Variants in CSGALNACT2 observed in about 807,000 individuals in gnomAD.
CSGALNACT2 encodes the protein chondroitin sulfate N-acetylgalactosaminyltransferase 2.
A neutral mutation model predicts 55.3 loss-of-function variants in CSGALNACT2; 35 were observed. That is an observed-to-expected ratio of 0.63 (90% CI 0.48 to 0.84). The LOEUF is 0.84. Among genes scored for constraint, CSGALNACT2 ranks in the 40% least tolerant of loss-of-function variants. CSGALNACT2 has a pLI of 0.00. For synonymous variants in CSGALNACT2, 196 were observed against 224.9 expected (o/e 0.87, Z 1.15); for missense variants, 544 against 657.5 (o/e 0.83, Z 1.89).
intron 7 of CSGALNACT2, among the ~76,000 whole-genome samples, chr10:43,177,591 A>G (rs2133154074): frequency 6.6e-6 from 1 of 152,332 alleles, no homozygotes; most frequent in East Asian, 1.9e-4. Context: ...GTGACATGTT[A>G]GGTACTTCAT....
At chr10:43,162,942 T>C in intron 4 of CSGALNACT2, 1 of 985,418 alleles carries the variant, frequency 1.0e-6, no homozygotes, top group Non-Finnish European at 1.2e-6. Context: ...TTCTTTAACC[T>C]TGCATGGGAG....
rs567207512 is a variant in CSGALNACT2 at position 43,163,125 on chromosome 10, A to G, written c.981-741A>G. The stretch of plus-strand genomic sequence containing the variant: ...TTGCCTTTGAGAATAATTATTTTGA[A>G]TGACCTTTACACTCACCACTGAATT... On this transcript the variant is annotated intron_variant, in intron 4 of 7. Coordinates refer to ENST00000374466, the MANE Select transcript of CSGALNACT2 (RefSeq NM_018590.5). The G allele has an allele frequency of 3.8e-4, 376 of 985,338 alleles. 1 individual carries two copies. The highest frequency in any genetic ancestry group is 3.1e-3 in the Middle Eastern group (6 of 1,914). 61.0% of individuals were successfully genotyped at this position (985,338 alleles called of 1,614,324 possible).
chr10:43,152,889 A>T (rs576299023), intron 1 of CSGALNACT2, among the ~76,000 whole-genome samples: 1 of 152,348 alleles, frequency 6.6e-6, no homozygotes, highest in South Asian at 2.1e-4. Flanking sequence ...AAATAATGAA[A>T]TTCAAGTGTT....
intron 1 of CSGALNACT2, among the ~76,000 whole-genome samples, chr10:43,143,760 T>C (rs1334668307): frequency 6.6e-6 from 1 of 152,142 alleles, no homozygotes. Context: ...ATGATTATAG[T>C]TTTCTCCAGA....
Position 43,160,573 on chromosome 10 carries a change from T to G in CSGALNACT2, c.958T>G (p.Ser320Ala). 1 of 1,565,420 alleles carries G rather than the reference T, an allele frequency of 6.4e-7. No homozygotes were observed. Among genetic ancestry groups the G allele is most frequent in the Non-Finnish European group, 8.8e-7 (1 of 1,136,304 alleles). ...FGKEGLSKVK[S>A]ILESVTSESN... ...TAAAGAAGGACTGTCTAAAGTCAAGTCTATCCTAGAATCTGTCACCAGGTT... is the reference window on the plus strand; with the variant it reads ...TAAAGAAGGACTGTCTAAAGTCAAGGCTATCCTAGAATCTGTCACCAGGTT... The change falls in exon 4 of 8, where the codon TCT (serine) becomes GCT (alanine). Residue 320 changes from serine to alanine, a missense_variant. Coordinates refer to ENST00000374466, the MANE Select transcript of CSGALNACT2 (RefSeq NM_018590.5).
chr10:43,152,905 A>G (rs186830913), intron 1 of CSGALNACT2, among the ~76,000 whole-genome samples: 1 of 152,314 alleles, frequency 6.6e-6, no homozygotes, highest in Admixed American at 6.5e-5. Context: ...GTGTTTTCTT[A>G]TGCTAGGGAT....
At chr10:43,143,561 T>C (rs1838680263) in intron 1 of CSGALNACT2, among the ~76,000 whole-genome samples, 1 of 151,346 alleles carries the variant, frequency 6.6e-6, no homozygotes, top group African/African-American at 2.4e-5. Flanking sequence ...GGAATCATAA[T>C]ATCTTGGAAG....
At chr10:43,158,455 G>A (rs574863379) in intron 2 of CSGALNACT2, among the ~76,000 whole-genome samples, 8 of 152,064 alleles carry the variant, frequency 5.3e-5, no homozygotes, top group East Asian at 1.9e-4. Flanking sequence ...TTAAAAAGTC[G>A]TATGTAAAAA....
intron 1 of CSGALNACT2, among the ~76,000 whole-genome samples, 187 bp from the exon 2 acceptor site, chr10:43,154,710 G>A (rs1209624974): frequency 6.7e-6 from 1 of 150,292 alleles, no homozygotes; most frequent in Non-Finnish European, 1.5e-5. Flanking sequence ...CTGGGTGACG[G>A]AGTGAGACTC....
At chr10:43,175,930 G>GT (rs61579799) in intron 6 of CSGALNACT2, 21 bp from the exon 7 acceptor site, 4,695 of 1,311,572 alleles carry the variant, frequency 3.6e-3, no homozygotes, top group East Asian at 0.024. Flanking sequence ...ATTGTTTTCT[G>GT]TTTTTTTTTT....
intron 7 of CSGALNACT2, among the ~76,000 whole-genome samples, chr10:43,177,980 T>C (rs1195319919): frequency 6.6e-6 from 1 of 152,222 alleles, no homozygotes; most frequent in African/African-American, 2.4e-5. Flanking sequence ...TGGTATTGAT[T>C]GTGACTCTGA....
chr10:43,168,673 GACACACACACACACACAC>G (rs55776451), intron 6 of CSGALNACT2, among the ~76,000 whole-genome samples: 4,396 of 147,992 alleles, frequency 0.03, 170 homozygotes, highest in East Asian at 0.1. Context: ...AGTACACACA[GACACACACACACACACAC>G]ACACACACAC....
rs781641671 is a variant in CSGALNACT2, at chr10:43,157,332, TC to T, written c.662-1382del. ...ATAACTCTCCTTGGATTCTGATACT[TC>T]AGGATTTTTCTCTAAATGGAACATA... is the stretch of plus-strand genomic sequence containing the variant. On this transcript the variant is annotated intron_variant, in intron 2 of 7. Coordinates refer to ENST00000374466, the MANE Select transcript of CSGALNACT2 (RefSeq NM_018590.5). Among the ~76,000 whole-genome samples the T allele has an allele frequency of 9.8e-4, 149 of 152,342 alleles. 1 individual carries two copies. Among genetic ancestry groups the T allele is most frequent in the Non-Finnish European group, 1.8e-3 (122 of 68,028 alleles).
At chr10:43,162,763 T>A in intron 4 of CSGALNACT2, 1 of 923,634 alleles carries the variant, frequency 1.1e-6, no homozygotes, top group South Asian at 5.0e-5. Flanking sequence ...GAGGCTTCTC[T>A]CCAGCCCTAG....
At chr10:43,140,124 G>C (rs1421655359) in intron 1 of CSGALNACT2, among the ~76,000 whole-genome samples, 1 of 152,086 alleles carries the variant, frequency 6.6e-6, no homozygotes, top group African/African-American at 2.4e-5. Context: ...GCAGTGAGCC[G>C]AGATCGTGCC....
chr10:43,161,179 G>A (rs944505369), intron 4 of CSGALNACT2, among the ~76,000 whole-genome samples: 1 of 152,160 alleles, frequency 6.6e-6, no homozygotes, highest in African/African-American at 2.4e-5. Flanking sequence ...TAATTCTTTA[G>A]CCTCTCAGCC....
chr10:43,153,208 G>A (rs192952832), intron 1 of CSGALNACT2, among the ~76,000 whole-genome samples: 9,930 of 151,766 alleles, frequency 0.065, 460 homozygotes, highest in Non-Finnish European at 0.1. Flanking sequence ...GGTGGCCGGC[G>A]CTTGTAGTCC....
intron 7 of CSGALNACT2, 50 bp downstream of exon 7, chr10:43,176,082 A>T: frequency 7.0e-7 from 1 of 1,433,434 alleles, no homozygotes; most frequent in Non-Finnish European, 9.6e-7. Context: ...TCCAGACTTA[A>T]TGGTATTTTG....
intron 7 of CSGALNACT2, among the ~76,000 whole-genome samples, chr10:43,177,288 A>G (rs1251711681): frequency 1.3e-5 from 2 of 152,188 alleles, no homozygotes; most frequent in East Asian, 3.9e-4. Context: ...TTATTGAGAT[A>G]TAGTTTACAT....
Sources: gnomAD v4.1 joint callset for allele counts (sites outside exome capture counted in the v4.1 genomes callset) on GRCh38, gnomAD v4.1.1 for gene constraint, MANE v1.5 for transcripts, NCBI Gene and HGNC (gene_info 2026-07-23, HGNC 2026-07-21) for gene names.